The following SLX9 variants were observed in gnomAD, a reference collection of about 807,000 sequenced individuals.
SLX9 encodes ribosome biogenesis protein SLX9 homolog.
A neutral mutation model predicts 20.8 loss-of-function variants in SLX9; 19 were observed. The observed-to-expected ratio is 0.91, with a 90% confidence interval of 0.64 to 1.34. The LOEUF (loss-of-function observed/expected upper bound fraction) is 1.34. Among genes scored for constraint, SLX9 ranks in the 40% most tolerant of loss-of-function variants. The pLI is 0.00. For synonymous variants in SLX9, 113 were observed against 137.1 expected (o/e 0.82, Z 1.23); for missense variants, 299 against 322.2 (o/e 0.93, Z 0.55).
intron 1 of SLX9, among the ~76,000 whole-genome samples, chr21:44,940,613 G>A (rs2084525315): frequency 6.6e-6 from 1 of 151,710 alleles, no homozygotes; most frequent in African/African-American, 2.4e-5. Flanking sequence ...AAGCAAGCAC[G>A]AATCTACCTT....
chr21:44,957,996 C>G (rs2084888000), intron 2 of SLX9, among the ~76,000 whole-genome samples: 1 of 152,236 alleles, frequency 6.6e-6, no homozygotes, highest in African/African-American at 2.4e-5. Flanking sequence ...CCGCCTCTGC[C>G]CTTCTGAGTG....
intron 2 of SLX9, among the ~76,000 whole-genome samples, chr21:44,953,823 C>T (rs531174385): frequency 6.6e-5 from 10 of 152,194 alleles, no homozygotes; most frequent in Admixed American, 2.6e-4. Context: ...CTCTTCCCTG[C>T]GGTGCTGCTG....
At chr21:44,954,974 G>A (rs1369001542) in intron 2 of SLX9, among the ~76,000 whole-genome samples, 1 of 152,202 alleles carries the variant, frequency 6.6e-6, no homozygotes, top group Non-Finnish European at 1.5e-5. Flanking sequence ...AGCACTTTGG[G>A]AGGCAGAGGC....
chr21:44,959,262 G>T, intron 2 of SLX9: 1 of 985,390 alleles, frequency 1.0e-6, no homozygotes, highest in Non-Finnish European at 1.2e-6. Context: ...AGGTCTGCAT[G>T]AATTAAAAGA....
rs373928500 is a variant in SLX9, at chr21:44,967,132, C to G, written c.451C>G (p.Leu151Val). The change falls in exon 4 of 6, where the codon CTG becomes GTG. Residue 151 changes from leucine to valine, a missense_variant. By Grantham distance (32) the Leu-to-Val change is conservative. Transcript: ENST00000291634. Reference sequence around the variant, plus strand: ...GGACCTGCACCCTCTCAGGGATGCCCTGCCCGAGCTGCTGGGGCTCGAGGC... The same window carrying G: ...GGACCTGCACCCTCTCAGGGATGCCGTGCCCGAGCTGCTGGGGCTCGAGGC... The part of the protein sequence containing the change: ...VGDLHPLRDA[L>V]PELLGLEAGS... The G allele has an allele frequency of 2.4e-5, 38 of 1,605,430 alleles. No homozygotes were observed. The highest frequency in any genetic ancestry group is 3.0e-5 in the Non-Finnish European group (35 of 1,176,354).
At chr21:44,967,476 G>C (rs1392206600) in intron 4 of SLX9, among the ~76,000 whole-genome samples, 1 of 152,036 alleles carries the variant, frequency 6.6e-6, no homozygotes, top group Non-Finnish European at 1.5e-5. Context: ...ATTGACCACA[G>C]CTCCTGCCGG....
rs986790107 is a variant in SLX9, at chr21:44,940,181, G to A, written c.124G>A (p.Gly42Arg). 49 of 1,262,740 alleles carry A rather than the reference G, an allele frequency of 3.9e-5. 1 individual carries two copies. The highest frequency in any genetic ancestry group is 8.5e-5 in the Admixed American group (2 of 23,398). 78.2% of individuals were successfully genotyped at this position (1,262,740 alleles called of 1,614,324 possible). A position where few individuals can be genotyped will look rare whatever the true frequency, so the allele number is the denominator to read the frequency against. ...GACCCCTCCGCCGGCCTCGGCCGCG[G>A]GGAAGGTGAGCTGGGGAGGCGCTGG... ...EATPPPASAA[G>R]KDWAFINTNI... Residue 42 changes from glycine to arginine, a missense_variant, in exon 1 of 6, where the codon GGG becomes AGG. Coordinates refer to ENST00000291634, the MANE Select transcript of SLX9 (RefSeq NM_058190.4).
chr21:44,949,917 T>G (rs1302333661), intron 2 of SLX9, among the ~76,000 whole-genome samples: 1 of 152,292 alleles, frequency 6.6e-6, no homozygotes, highest in South Asian at 2.1e-4. Flanking sequence ...GCCGTCCCTC[T>G]GCCCTGGTGA....
At chr21:44,975,196 G>A (rs2085240096) in intron 5 of SLX9, among the ~76,000 whole-genome samples, 1 of 152,202 alleles carries the variant, frequency 6.6e-6, no homozygotes, top group South Asian at 2.1e-4. Flanking sequence ...AGATCCCAGT[G>A]GGAAGCAAGA....
chr21:44,949,960 TTGTCAGGTCAGCCCAGGTG>T (rs2084724184), intron 2 of SLX9, among the ~76,000 whole-genome samples: 1 of 152,142 alleles, frequency 6.6e-6, no homozygotes, highest in Non-Finnish European at 1.5e-5. Context: ...AGCTGTGTCC[TTGTCAGGTCAGCCCAGGTG>T]TGGGACAGTC....
At chr21:44,939,774 G>C, upstream of SLX9, 2 of 546,434 alleles carry the variant, frequency 3.7e-6, no homozygotes, top group South Asian at 3.3e-5. Context: ...CCCGACCTTG[G>C]ACGCAACCCC....
chr21:44,975,879 G>A (rs948378305), intron 5 of SLX9, among the ~76,000 whole-genome samples: 2 of 152,260 alleles, frequency 1.3e-5, no homozygotes, highest in East Asian at 1.9e-4. Context: ...CCAGGCGGTC[G>A]TCCAGCGGGG....
chr21:44,954,050 G>T (rs2084809136), intron 2 of SLX9, among the ~76,000 whole-genome samples: 1 of 152,108 alleles, frequency 6.6e-6, no homozygotes. Context: ...AAGAAGCCAC[G>T]CTGCTCCCGG....
chr21:44,965,496 G>C (rs1308597748), intron 3 of SLX9, among the ~76,000 whole-genome samples: 1 of 152,226 alleles, frequency 6.6e-6, no homozygotes, highest in East Asian at 1.9e-4. Flanking sequence ...GTTTCTAGCA[G>C]CTCATCTGTC....
chr21:44,959,577 G>A (rs188082704), intron 2 of SLX9, among the ~76,000 whole-genome samples: 1 of 152,336 alleles, frequency 6.6e-6, no homozygotes, highest in African/African-American at 2.4e-5. Flanking sequence ...GAGGCTCCCT[G>A]AGAGGGCCGC....
In SLX9 at chr21:44,940,203, C is replaced by T. The variant is rs1038960933; in HGVS notation, c.129+17C>T. 10 of 1,232,268 alleles carry T rather than the reference C, an allele frequency of 8.1e-6. No individual in the cohort carries two copies. The African/African-American group carries it at 1.4e-4, about 17-fold the overall frequency. 76.3% of individuals were successfully genotyped at this position (1,232,268 alleles called of 1,614,324 possible). A position where few individuals can be genotyped will look rare whatever the true frequency, so the allele number is the denominator to read the frequency against. On this transcript the variant is annotated intron_variant, in intron 1 of 5. Transcript: ENST00000291634. Reference sequence around the variant, plus strand: ...GCGGGGAAGGTGAGCTGGGGAGGCGCTGGCCGGGGGCTGCCGCGTGGGTCC... The same window carrying T: ...GCGGGGAAGGTGAGCTGGGGAGGCGTTGGCCGGGGGCTGCCGCGTGGGTCC...
intron 3 of SLX9, among the ~76,000 whole-genome samples, chr21:44,963,076 C>T: frequency 6.6e-6 from 1 of 151,512 alleles, no homozygotes; most frequent in Non-Finnish European, 1.5e-5. Flanking sequence ...CTGTGACTTG[C>T]CTGTTCATTT....
At chr21:44,943,291 A>G (rs1454527854) in intron 1 of SLX9, among the ~76,000 whole-genome samples, 1 of 152,232 alleles carries the variant, frequency 6.6e-6, no homozygotes, top group Non-Finnish European at 1.5e-5. Context: ...AAGAGCTGTC[A>G]GGCTGGGAGC....
At chr21:44,972,939 G>T in intron 4 of SLX9, 2 of 577,438 alleles carry the variant, frequency 3.5e-6, no homozygotes, top group African/African-American at 1.9e-5. Flanking sequence ...GGAGCAGCTT[G>T]GGGCCCGCGG....
Sources: allele counts gnomAD v4.1 joint callset (sites outside exome capture counted in the v4.1 genomes callset), GRCh38; gene constraint gnomAD v4.1.1; transcripts MANE v1.5; gene names NCBI Gene and HGNC (gene_info 2026-07-23, HGNC 2026-07-21).